The following SENP7 variants were observed in gnomAD, a reference collection of about 807,000 sequenced individuals.
The protein encoded by SENP7 is sentrin-specific protease 7.
A neutral mutation model predicts 141.2 loss-of-function variants in SENP7; 64 were observed. The observed-to-expected ratio is 0.45, with a 90% CI of 0.37 to 0.56. The LOEUF (loss-of-function observed/expected upper bound fraction) is 0.56. Ranked by LOEUF, SENP7 falls within the 20% of genes least tolerant of loss-of-function variation. The pLI is 0.00. For missense variants in SENP7, 1,025 were observed against 1,212.2 expected, an observed-to-expected ratio of 0.85 and a Z score of 2.29; for synonymous variants, 382 against 426.4, an observed-to-expected ratio of 0.90 and a Z score of 1.28.
intron 4 of SENP7, among the ~76,000 whole-genome samples, chr3:101,436,248 T>G (rs904254282): frequency 1.3e-5 from 2 of 152,210 alleles, no homozygotes; most frequent in East Asian, 3.9e-4. Context: ...GACCCCTATC[T>G]CTCATCATAT....
chr3:101,343,827 C>T lies in SENP7; in HGVS notation c.1965G>A (p.Leu655=), dbSNP rs200697324. The T allele has an allele frequency of 2.5e-6, 4 of 1,613,760 alleles. No homozygotes were observed. Among genetic ancestry groups the T allele is most frequent in the Admixed American group, 1.7e-5 (1 of 59,976 alleles). Residue 655 remains leucine, a synonymous_variant, in exon 14 of 24, where the codon TTG becomes TTA. Transcript: ENST00000394095. ...ISGELELSYP[L]SWVQAFPLFQ... ...ACAAAGGAAATGCCTGAACCCAAGACAACGGGTAAGAAAGCTCTAATTCTC... is the reference window on the plus strand; with the variant it reads ...ACAAAGGAAATGCCTGAACCCAAGATAACGGGTAAGAAAGCTCTAATTCTC...
intron 3 of SENP7, among the ~76,000 whole-genome samples, chr3:101,493,633 T>C (rs1011727982): frequency 8.3e-5 from 12 of 145,062 alleles, no homozygotes; most frequent in Non-Finnish European, 1.7e-4. Context: ...TTTACAATAA[T>C]AAGATTTAAA....
chr3:101,459,032 A>AGGG lies in SENP7; in HGVS notation c.206_207insCCC (p.Asn69_Lys70insPro). On this transcript the variant is annotated inframe_insertion, in exon 4 of 24. Transcript: ENST00000394095. ...TTTTATGGTCTAGAGAGATGACTTT[A>AGGG]TTCCTTAGGCTTCTTTCCCACTAGG... 1 of 1,596,922 alleles carries AGGG rather than the reference A, an allele frequency of 6.3e-7. No homozygotes were observed. Among genetic ancestry groups the AGGG allele is most frequent in the Non-Finnish European group, 8.5e-7 (1 of 1,170,380 alleles).
chr3:101,365,019 TG>T (rs2107376510), intron 9 of SENP7, 28 bp from the exon 10 acceptor site: 2 of 1,368,126 alleles, frequency 1.5e-6, no homozygotes, highest in South Asian at 3.4e-5. Flanking sequence ...AATGTATTTT[TG>T]TTTATTTATT....
intron 1 of SENP7, among the ~76,000 whole-genome samples, chr3:101,501,886 G>C (rs1174867998): frequency 1.3e-5 from 2 of 152,176 alleles, no homozygotes; most frequent in Non-Finnish European, 2.9e-5. Flanking sequence ...AATTCCATAG[G>C]AAAGGGATGA....
intron 11 of SENP7, chr3:101,357,971 CT>C: frequency 1.4e-5 from 9 of 651,156 alleles, no homozygotes; most frequent in East Asian, 4.9e-5. Context: ...CCCCTCACCC[CT>C]TTTTTCACAT....
At chr3:101,473,879 G>A (rs577430204) in intron 3 of SENP7, among the ~76,000 whole-genome samples, 27 of 152,152 alleles carry the variant, frequency 1.8e-4, no homozygotes, top group Non-Finnish European at 3.8e-4. Context: ...TTACATTTAA[G>A]TCTTTAATCC....
intron 1 of SENP7, among the ~76,000 whole-genome samples, chr3:101,509,318 C>T (rs1188928107): frequency 6.6e-6 from 1 of 152,166 alleles, no homozygotes; most frequent in Non-Finnish European, 1.5e-5. Flanking sequence ...TTCCTCTAGC[C>T]TGTTGAAATC....
intron 10 of SENP7, among the ~76,000 whole-genome samples, chr3:101,364,111 C>A (rs1336220300): frequency 1.3e-5 from 2 of 152,004 alleles, no homozygotes; most frequent in South Asian, 4.1e-4. Context: ...GCCTATGGTG[C>A]CAGCTACCTG....
At chr3:101,331,785 CATA>C (rs1354629897) in intron 19 of SENP7, among the ~76,000 whole-genome samples, 197 bp downstream of exon 19, 15 of 151,872 alleles carry the variant, frequency 9.9e-5, no homozygotes, top group African/African-American at 3.4e-4. Flanking sequence ...TTTTAAGTGC[CATA>C]ATAAAACTTG....
chr3:101,511,367 A>C (rs943685926), intron 1 of SENP7, among the ~76,000 whole-genome samples: 5 of 152,200 alleles, frequency 3.3e-5, no homozygotes, highest in Non-Finnish European at 7.3e-5. Context: ...TATTAAACCT[A>C]GATGAAATGC....
chr3:101,396,265 T>C (rs935787332), intron 6 of SENP7, among the ~76,000 whole-genome samples: 1 of 152,196 alleles, frequency 6.6e-6, no homozygotes, highest in African/African-American at 2.4e-5. Flanking sequence ...AGAAATATTA[T>C]ACCTATTAAT....
In SENP7 at chr3:101,366,543, A is replaced by G. The variant is rs202114275; in HGVS notation, c.1205T>C (p.Ile402Thr). ...CTCAACCAGGGAAGAAATCCCCACA[A>G]TATCAATGGAATTAGAGTTCTCAAC... ...ETVENSNSID[I>T]VGISSLVEKD... Residue 402 changes from isoleucine to threonine, a missense_variant, in exon 9 of 24, where the codon ATT becomes ACT. By Grantham distance (89) the Ile-to-Thr change is moderately conservative. Around this residue, in one of 4 missense-constraint regions of SENP7, gnomAD observed 496 missense variants for 503.5 expected, o/e 0.99. Coordinates refer to ENST00000394095, the MANE Select transcript of SENP7 (RefSeq NM_020654.5). 105 of 1,613,692 alleles carry G rather than the reference A, an allele frequency of 6.5e-5. No individual in the cohort carries two copies. The Middle Eastern group carries it at 8.2e-4, about 13-fold the overall frequency.
At chr3:101,460,338 G>A (rs541292671) in intron 3 of SENP7, among the ~76,000 whole-genome samples, 15 of 152,110 alleles carry the variant, frequency 9.9e-5, no homozygotes, top group Admixed American at 2.0e-4. Context: ...TGTTGGCAAC[G>A]GGTAAACATA....
At position 101,471,808 on chromosome 3, in the gene SENP7, A is replaced by G. The variant is rs138191534; in HGVS notation, c.187-12756T>C. ...AAAGAACTCAAATTTACAAGAAAAA[A>G]ACAAACAACCCCCTCATCAAAAAGT... On this transcript the variant is annotated intron_variant, in intron 3 of 23. Transcript: ENST00000394095. Among the ~76,000 whole-genome samples, 548 of 152,298 alleles carry G rather than the reference A, an allele frequency of 3.6e-3. 9 individuals are homozygous for G. The highest frequency in any genetic ancestry group is 0.017 in the South Asian group (82 of 4,826).
intron 6 of SENP7, among the ~76,000 whole-genome samples, chr3:101,387,740 C>T (rs765257014): frequency 1.3e-5 from 2 of 152,172 alleles, no homozygotes; most frequent in Non-Finnish European, 2.9e-5. Context: ...ATGATTCTTC[C>T]GGGAGCCTGA....
chr3:101,328,898 GTT>G (rs1444331242), intron 20 of SENP7, among the ~76,000 whole-genome samples: 21 of 152,108 alleles, frequency 1.4e-4, no homozygotes, highest in Non-Finnish European at 2.6e-4. Flanking sequence ...GTCTCAAGCA[GTT>G]AAGGAGTTTT....
rs928737256 is a variant in SENP7 at position 101,501,261 on chromosome 3, G to A, written c.41-142C>T. The A allele has an allele frequency of 1.6e-5, 9 of 555,026 alleles. No homozygotes were observed. The East Asian group carries it at 2.4e-4, about 15-fold the overall frequency. The allele number at this position is 555,026 out of a possible 1,614,324, so 34.4% of individuals were successfully genotyped here. A position where few individuals can be genotyped will look rare whatever the true frequency, so the allele number is the denominator to read the frequency against. On this transcript the variant is annotated intron_variant, in intron 1 of 23. Transcript: ENST00000394095. ...AGAATTTACACATTTTACAGAAACT[G>A]AAGGGCTAAACATAAAAGTCAAAAA...
intron 3 of SENP7, among the ~76,000 whole-genome samples, chr3:101,481,053 GA>G (rs2064453486): frequency 7.2e-6 from 1 of 139,260 alleles, no homozygotes; most frequent in African/African-American, 2.7e-5. Context: ...TAGCTATTAT[GA>G]AAAACAGTAT....
Sources: allele counts gnomAD v4.1 joint callset (sites outside exome capture counted in the v4.1 genomes callset), GRCh38; gene constraint gnomAD v4.1.1; regional missense constraint gnomAD v4.1.1; transcripts MANE v1.5; gene names NCBI Gene and HGNC (gene_info 2026-07-23, HGNC 2026-07-21).